The following PPL variants were observed in gnomAD, a reference collection of about 807,000 sequenced individuals.
The protein encoded by PPL is periplakin, also known as 190 kDa paraneoplastic pemphigus antigen.
PPL carries 198 observed loss-of-function variants against 194.4 expected under a neutral mutation model. That is an observed-to-expected ratio of 1.02 (90% CI 0.91 to 1.15). The LOEUF (loss-of-function observed/expected upper bound fraction) is 1.15, where lower values mean the gene tolerates loss of function less well. Among genes scored for constraint, PPL ranks in the 50% most tolerant of loss-of-function variants. The pLI is 0.00. For synonymous variants in PPL, 1,220 were observed against 972.4 expected, an observed-to-expected ratio of 1.25 and a Z score of -4.74; for missense variants, 2,885 against 2,294.8, an observed-to-expected ratio of 1.26 and a Z score of -5.25.
chr16:4,889,238 GTTGTTT>G (rs2030508809), intron 18 of PPL, among the ~76,000 whole-genome samples, 177 bp from the exon 19 acceptor site: 510 of 21,790 alleles, frequency 0.023, 25 homozygotes, highest in African/African-American at 0.037. Context: ...TTTTGTTGTT[GTTGTTT>G]TTTTTTTTTT....
intron 1 of PPL, among the ~76,000 whole-genome samples, chr16:4,923,673 G>C (rs773626434): frequency 6.6e-5 from 10 of 152,208 alleles, no homozygotes; most frequent in Non-Finnish European, 1.2e-4. Flanking sequence ...CTCTAACCCA[G>C]GTGTGGGCTC....
chr16:4,901,448 G>T (rs1568017221), intron 4 of PPL, among the ~76,000 whole-genome samples: 1 of 152,174 alleles, frequency 6.6e-6, no homozygotes, highest in Non-Finnish European at 1.5e-5. Context: ...AGGCACTTTG[G>T]GAGGCCAATG....
rs202196374 is a variant in PPL at position 4,884,279 on chromosome 16, T to C, written c.4376A>G (p.His1459Arg). 6.2e-7 allele frequency: 1 copy of C among 1,612,836 alleles called. No homozygotes were observed. The highest frequency in any genetic ancestry group is 8.5e-7 in the Non-Finnish European group (1 of 1,179,700). Residue 1459 changes from histidine (H) to arginine (R), a missense_variant, in exon 22 of 22, where the codon CAT (histidine) becomes CGT (arginine). Physicochemically the swap from His to Arg is conservative, Grantham distance 29 (BLOSUM62 0). Coordinates refer to ENST00000345988, the MANE Select transcript of PPL (RefSeq NM_002705.5). This position sits in a 1 kb window ranked among gnomAD's most constrained non-coding sequence, Gnocchi z 5.7. ...LQQDPQQARE[H>R]ALLRLQLEEE... ...TTCCAGCTGGAGTCGGAGCAGGGCA[T>C]GCTCTCGCGCCTGCTGCGGGTCCTG...
intron 1 of PPL, among the ~76,000 whole-genome samples, chr16:4,920,345 G>GAGAGAGAAAGAAAGAAAGAAAGAAAGAA (rs1427456398): frequency 5.2e-4 from 13 of 25,144 alleles, no homozygotes; most frequent in South Asian, 1.9e-3. Flanking sequence ...GAGAGAGAGA[G>GAGAGAGAAAGAAAGAAAGAAAGAAAGAA]AGAAAGAAAG....
chr16:4,911,427 G>A (rs1363633223), intron 1 of PPL, among the ~76,000 whole-genome samples: 2 of 152,082 alleles, frequency 1.3e-5, no homozygotes, highest in Non-Finnish European at 2.9e-5. Flanking sequence ...CTCCCAAAGT[G>A]CTGGGATTAC....
At position 4,885,292 on chromosome 16, in the gene PPL, C is replaced by T; in HGVS notation, c.3363G>A (p.Glu1121=). The change falls in exon 22 of 22, where the codon GAG becomes GAA. Residue 1121 remains glutamate (E), a synonymous_variant. Transcript: ENST00000345988. The surrounding 1 kb of genome is among the most constrained non-coding windows in gnomAD (Gnocchi z 6.3). ...KITVKEVLKV[E]KDAATEREVS... ...CCTCCCTCTCGGTGGCCGCGTCCTT[C>T]TCCACCTTGAGCACCTCCTTGACGG... 1 of 1,597,624 alleles carries T rather than the reference C, an allele frequency of 6.3e-7. No homozygotes were observed. The highest frequency in any genetic ancestry group is 8.5e-7 in the Non-Finnish European group (1 of 1,173,354).
chr16:4,924,180 G>A (rs993204222), intron 1 of PPL, among the ~76,000 whole-genome samples: 4 of 152,272 alleles, frequency 2.6e-5, no homozygotes, highest in African/African-American at 9.6e-5. Context: ...GTAGCCACGT[G>A]AAAAGAGTAA....
chr16:4,936,992 C>G lies in PPL; in HGVS notation c.54G>C (p.Gln18His), dbSNP rs1008135998. 2 of 1,583,298 alleles carry G rather than the reference C, an allele frequency of 1.3e-6. No homozygotes were observed. The highest frequency in any genetic ancestry group is 1.4e-5 in the African/African-American group (1 of 71,920). Reference sequence around the variant, plus strand: ...TGTGGGCGCCTCCTCACCTCCGGGTCTGCACAGTGGGGCTGTATTTGCCTT... The same window carrying G: ...TGTGGGCGCCTCCTCACCTCCGGGTGTGCACAGTGGGGCTGTATTTGCCTT... ...RNKGKYSPTV[Q>H]TRSISNKELS... Residue 18 changes from glutamine (Q) to histidine (H), a missense_variant, in exon 1 of 22, where the codon CAG becomes CAC. By Grantham distance (24) the Gln-to-His change is conservative (BLOSUM62 0). Coordinates refer to ENST00000345988, the MANE Select transcript of PPL (RefSeq NM_002705.5).
In PPL at chr16:4,884,250, C is replaced by T. The variant is rs1358071187; in HGVS notation, c.4405G>A (p.Glu1469Lys). ...HALLRLQLEE[E>K]QHRRQLLEGE... ...TCCAGGAGCTGCCGCCGGTGCTGCT[C>T]TTCTTCCAGCTGGAGTCGGAGCAGG... Residue 1469 changes from glutamate to lysine, a missense_variant, in exon 22 of 22, where the codon GAG (glutamate) becomes AAG (lysine). By Grantham distance (56) the Glu-to-Lys change is moderately conservative (BLOSUM62 1). Coordinates refer to ENST00000345988, the MANE Select transcript of PPL (RefSeq NM_002705.5). This position sits in a 1 kb window ranked among gnomAD's most constrained non-coding sequence, Gnocchi z 5.7. 1 of 1,613,124 alleles carries T rather than the reference C, an allele frequency of 6.2e-7. No individual in the cohort carries two copies. The highest frequency in any genetic ancestry group is 8.5e-7 in the Non-Finnish European group (1 of 1,179,806).
chr16:4,910,495 C>G (rs1173151195), intron 2 of PPL, among the ~76,000 whole-genome samples: 1 of 152,098 alleles, frequency 6.6e-6, no homozygotes, highest in Admixed American at 6.5e-5. Flanking sequence ...CCATGGCACT[C>G]CTCCAGGCAG....
chr16:4,937,076 TGGCGGGCCGGGCGCGCACCGAGG>T lies in PPL; in HGVS notation c.-54_-32del. On this transcript the variant is annotated 5_prime_UTR_variant, in exon 1 of 22. Coordinates refer to ENST00000345988, the MANE Select transcript of PPL (RefSeq NM_002705.5). ...CGCTCGGGGTGCGGGCGGCGGCGGCTGGCGGGCCGGGCGCGCACCGAGGGGCGGGCGGGAGCGCAGGTGAGCGA... is the reference window on the plus strand; with the variant it reads ...CGCTCGGGGTGCGGGCGGCGGCGGCTGGCGGGCGGGAGCGCAGGTGAGCGA... 7.5e-7 allele frequency: 1 copy of T among 1,331,650 alleles called. No homozygotes were observed. Among genetic ancestry groups the T allele is most frequent in the Non-Finnish European group, 9.7e-7 (1 of 1,033,078 alleles). 82.5% of individuals were successfully genotyped at this position (1,331,650 alleles called of 1,614,324 possible). A position where few individuals can be genotyped will look rare whatever the true frequency, so the allele number is the denominator to read the frequency against.
rs114410169 is a variant in PPL at position 4,908,713 on chromosome 16, A to C, written c.162+2137T>G. Among the ~76,000 whole-genome samples the C allele has an allele frequency of 6.4e-3, 927 of 143,888 alleles. 3 individuals carry two copies. The highest frequency in any genetic ancestry group is 0.022 in the African/African-American group (884 of 39,412). The allele number at this position is 143,888 out of a possible 152,430, so 94.4% of individuals were successfully genotyped here. The stretch of plus-strand genomic sequence containing the variant: ...CACCACCACACCTGGCAAATTTTTC[A>C]TATTTTTTGTAGAGACGAGGTTTCA... On this transcript the variant is annotated intron_variant, in intron 2 of 21. Transcript: ENST00000345988.
At chr16:4,890,588 C>A in intron 17 of PPL, 140 bp downstream of exon 17, 1 of 1,132,938 alleles carries the variant, frequency 8.8e-7, no homozygotes, top group Non-Finnish European at 1.2e-6. Flanking sequence ...AAAGAGAGAC[C>A]ACAGGGCCGT....
chr16:4,926,510 G>T (rs1462361057), intron 1 of PPL, among the ~76,000 whole-genome samples: 1 of 152,196 alleles, frequency 6.6e-6, no homozygotes, highest in Non-Finnish European at 1.5e-5. Flanking sequence ...CCCAAAAGAT[G>T]AGTAAATCCC....
At position 4,936,965 on chromosome 16, in the gene PPL, G is replaced by A. The variant is rs897806211; in HGVS notation, c.62+19C>T. The A allele has an allele frequency of 6.3e-7, 1 of 1,583,882 alleles. No individual in the cohort carries two copies. Among genetic ancestry groups the A allele is most frequent in the Non-Finnish European group, 8.6e-7 (1 of 1,165,520 alleles). ...AGGGGCAAGAGCGTCCCGGAGCGGA[G>A]CTGTGGGCGCCTCCTCACCTCCGGG... is the stretch of plus-strand genomic sequence containing the variant. On this transcript the variant is annotated intron_variant, in intron 1 of 21. Coordinates refer to ENST00000345988, the MANE Select transcript of PPL (RefSeq NM_002705.5).
intron 2 of PPL, among the ~76,000 whole-genome samples, chr16:4,905,756 G>A (rs2088669075): frequency 6.6e-6 from 1 of 152,168 alleles, no homozygotes; most frequent in South Asian, 2.1e-4. Context: ...TGGAAGGGCT[G>A]AAGGGTGAAC....
intron 2 of PPL, among the ~76,000 whole-genome samples, chr16:4,910,340 T>G (rs770376434): frequency 6.6e-6 from 1 of 152,206 alleles, no homozygotes; most frequent in Non-Finnish European, 1.5e-5. Context: ...CATAATCTCA[T>G]TTAATCTTTA....
In PPL at chr16:4,889,241, GTTTTTTTTTTTT is replaced by G. The variant is rs869094472; in HGVS notation, c.2314-192_2314-181del. ...AAAAGGCAGTTTTTTTGTTGTTGTT[GTTTTTTTTTTTT>G]TTTTTTTTTTTTTTTTTTTTTGAGA... is the stretch of plus-strand genomic sequence containing the variant. On this transcript the variant is annotated intron_variant, in intron 18 of 21. Coordinates refer to ENST00000345988, the MANE Select transcript of PPL (RefSeq NM_002705.5). 2.0e-3 allele frequency among the ~76,000 whole-genome samples: 131 copies of G among 66,642 alleles called. 10 individuals are homozygous for G. The highest frequency in any genetic ancestry group is 9.1e-3 in the African/African-American group (120 of 13,176). The allele number at this position is 66,642 out of a possible 152,430, so 43.7% of individuals were successfully genotyped here. A position where few individuals can be genotyped will look rare whatever the true frequency, so the allele number is the denominator to read the frequency against.
chr16:4,887,451 T>G (rs1165237513), intron 20 of PPL, among the ~76,000 whole-genome samples: 1 of 152,064 alleles, frequency 6.6e-6, no homozygotes, highest in Non-Finnish European at 1.5e-5. Flanking sequence ...CACACTGACT[T>G]TGAGCAAGTC....
Sources: gnomAD v4.1 joint callset for allele counts (sites outside exome capture counted in the v4.1 genomes callset) on GRCh38, gnomAD v4.1.1 for gene constraint, Gnocchi (gnomAD v3.1) non-coding constraint, MANE v1.5 for transcripts, NCBI Gene and HGNC (gene_info 2026-07-23, HGNC 2026-07-21) for gene names.